ECT2L: variants seen among roughly 807,000 people sequenced by gnomAD.
ECT2L encodes epithelial cell-transforming sequence 2 oncogene-like.
A neutral mutation model predicts 122.8 loss-of-function variants in ECT2L; 126 were observed. That is an observed-to-expected ratio of 1.03 (90% CI 0.89 to 1.19). The LOEUF (loss-of-function observed/expected upper bound fraction) is 1.19, where lower values mean the gene tolerates loss of function less well. ECT2L is among the 50% of genes most tolerant of loss of function. ECT2L has a pLI of 0.00. For synonymous variants in ECT2L, 385 were observed against 381.8 expected (o/e 1.01, Z -0.10); for missense variants, 1,012 against 1,064.1 (o/e 0.95, Z 0.68).
chr6:138,888,734 A>G (rs1778916372), intron 19 of ECT2L, among the ~76,000 whole-genome samples: 1 of 152,158 alleles, frequency 6.6e-6, no homozygotes, highest in Admixed American at 6.5e-5. Flanking sequence ...GACAAAGATT[A>G]CTTTTTTCCC....
chr6:138,836,815 A>G (rs1776857831), intron 4 of ECT2L, among the ~76,000 whole-genome samples: 1 of 152,040 alleles, frequency 6.6e-6, no homozygotes, highest in Non-Finnish European at 1.5e-5. Flanking sequence ...AAATTATTCC[A>G]TATTTTGCCA....
intron 14 of ECT2L, among the ~76,000 whole-genome samples, chr6:138,880,639 T>C (rs982184278): frequency 6.6e-6 from 1 of 152,184 alleles, no homozygotes; most frequent in Non-Finnish European, 1.5e-5. Flanking sequence ...GTTCTCATCA[T>C]TACATGGCCA....
intron 4 of ECT2L, among the ~76,000 whole-genome samples, chr6:138,831,616 A>G (rs1029769910): frequency 1.3e-5 from 2 of 152,220 alleles, no homozygotes; most frequent in South Asian, 4.1e-4. Flanking sequence ...CTTTTTCTTC[A>G]GAAGATTAAC....
intron 1 of ECT2L, among the ~76,000 whole-genome samples, chr6:138,796,950 G>A (rs1019371944): frequency 2.0e-5 from 3 of 152,192 alleles, no homozygotes; most frequent in African/African-American, 4.8e-5. Context: ...GGAGGAAGAA[G>A]GGTTAAGGAC....
rs375451846 is a variant in ECT2L, at chr6:138,838,440, T to G, written c.268T>G (p.Phe90Val). The G allele has an allele frequency of 1.7e-4, 280 of 1,613,858 alleles. No individual in the cohort carries two copies. Among genetic ancestry groups the G allele is most frequent in the Non-Finnish European group, 2.3e-4 (275 of 1,179,972 alleles). Residue 90 changes from phenylalanine (F) to valine (V), a missense_variant, in exon 5 of 22, where the codon TTT (phenylalanine) becomes GTT (valine). Transcript: ENST00000541398. ...ACCACGCTTCATTTCTCTATATATC[T>G]TTTCCTTTTTGAGTCCGAAAGATTT... ...VLPRFISLYI[F>V]SFLSPKDLCA...
At chr6:138,813,383 G>A (rs1363375122) in intron 3 of ECT2L, 43 bp downstream of exon 3, 22 of 1,492,988 alleles carry the variant, frequency 1.5e-5, no homozygotes, top group Non-Finnish European at 2.0e-5. Context: ...AATTCGTAAG[G>A]TTAATTTTCC....
At chr6:138,892,756 G>A (rs529585324) in intron 20 of ECT2L, among the ~76,000 whole-genome samples, 1 of 152,336 alleles carries the variant, frequency 6.6e-6, no homozygotes, top group African/African-American at 2.4e-5. Flanking sequence ...GCTTCTCAAA[G>A]TGCTAGGATT....
intron 10 of ECT2L, among the ~76,000 whole-genome samples, chr6:138,856,266 G>A (rs1176565170): frequency 4.0e-5 from 6 of 149,088 alleles, no homozygotes; most frequent in Non-Finnish European, 8.9e-5. Context: ...CCAGACTGGA[G>A]TGCAGTGGCG....
chr6:138,805,490 T>C (rs376176248), intron 1 of ECT2L, among the ~76,000 whole-genome samples: 4 of 152,314 alleles, frequency 2.6e-5, no homozygotes, highest in African/African-American at 9.6e-5. Flanking sequence ...TAGCTTGAAA[T>C]AGGAAACGTG....
At chr6:138,843,404 G>C (rs1044051962) in intron 6 of ECT2L, among the ~76,000 whole-genome samples, 173 bp downstream of exon 6, 2 of 152,118 alleles carry the variant, frequency 1.3e-5, no homozygotes, top group Non-Finnish European at 2.9e-5. Flanking sequence ...TAATTGATGA[G>C]AAAAACAAAG....
At chr6:138,812,268 G>T (rs2128372829) in intron 1 of ECT2L, among the ~76,000 whole-genome samples, 1 of 152,306 alleles carries the variant, frequency 6.6e-6, no homozygotes, top group East Asian at 1.9e-4. Flanking sequence ...AAGTCACCCA[G>T]TCTGTGGTAG....
rs1322366097 is a variant in ECT2L at position 138,868,180 on chromosome 6, T to C, written c.1552T>C (p.Leu518=). The C allele has an allele frequency of 1.9e-6, 3 of 1,613,444 alleles. No homozygotes were observed. The highest frequency in any genetic ancestry group is 1.7e-5 in the Admixed American group (1 of 59,970). Reference sequence around the variant, plus strand: ...TACTGCGCAAGCTCTGGCAGATGGATTGATGGAGTTGTCAAAAGAAGATTC... The same window carrying C: ...TACTGCGCAAGCTCTGGCAGATGGACTGATGGAGTTGTCAAAAGAAGATTC... The part of the protein sequence containing the change: ...QDTAQALADG[L]MELSKEDSER... The change falls in exon 13 of 22, where the codon TTG becomes CTG. Residue 518 remains leucine, a synonymous_variant. Transcript: ENST00000541398.
intron 8 of ECT2L, among the ~76,000 whole-genome samples, chr6:138,846,994 G>T (rs181278099): frequency 1.8e-3 from 274 of 148,506 alleles, no homozygotes; most frequent in African/African-American, 6.4e-3. Context: ...AAGGCCAGGT[G>T]CAGTGACTCA....
At chr6:138,857,164 T>C (rs1260870268) in intron 10 of ECT2L, among the ~76,000 whole-genome samples, 8 of 152,050 alleles carry the variant, frequency 5.3e-5, no homozygotes, top group African/African-American at 1.7e-4. Context: ...TGCCCTCATT[T>C]CTCTTTATTG....
At chr6:138,817,932 A>G (rs1776125298) in intron 4 of ECT2L, among the ~76,000 whole-genome samples, 1 of 152,040 alleles carries the variant, frequency 6.6e-6, no homozygotes, top group Non-Finnish European at 1.5e-5. Flanking sequence ...CCACTTGACT[A>G]GGTTGACCTT....
At chr6:138,860,060 G>C (rs1777768784) in intron 10 of ECT2L, among the ~76,000 whole-genome samples, 1 of 152,000 alleles carries the variant, frequency 6.6e-6, no homozygotes, top group Admixed American at 6.6e-5. Flanking sequence ...CCTGACCTCA[G>C]GTGATCTGCC....
intron 15 of ECT2L, among the ~76,000 whole-genome samples, chr6:138,882,397 A>C (rs573941635): frequency 6.6e-6 from 1 of 152,322 alleles, no homozygotes; most frequent in South Asian, 2.1e-4. Flanking sequence ...TCTCCTCTAC[A>C]AACTGTAAGA....
Position 138,840,561 on chromosome 6 carries a change from G to A in ECT2L, c.342+2047G>A, listed in dbSNP as rs570091266. 6.6e-5 allele frequency among the ~76,000 whole-genome samples: 10 copies of A among 151,022 alleles called. No homozygotes were observed. The South Asian group carries it at 1.3e-3, about 19-fold the overall frequency. The stretch of plus-strand genomic sequence containing the variant: ...CATACTTAGAGGATTATTTCAATAC[G>A]AAATTTAAATTCTAGGTTGGCAGCT... On this transcript the variant is annotated intron_variant, in intron 5 of 21. Coordinates refer to ENST00000541398, the MANE Select transcript of ECT2L (RefSeq NM_001077706.3).
chr6:138,883,467 A>G (rs377068684), intron 16 of ECT2L, among the ~76,000 whole-genome samples: 3 of 152,086 alleles, frequency 2.0e-5, no homozygotes, highest in Admixed American at 6.5e-5. Flanking sequence ...TCCCTCCTCA[A>G]TTGGTATCGA....
Sources: gnomAD v4.1 joint callset for allele counts (sites outside exome capture counted in the v4.1 genomes callset) on GRCh38, gnomAD v4.1.1 for gene constraint, MANE v1.5 for transcripts, NCBI Gene and HGNC (gene_info 2026-07-23, HGNC 2026-07-21) for gene names.